The following DHODH variants were observed in gnomAD, a reference collection of about 807,000 sequenced individuals.
DHODH encodes dihydroorotate dehydrogenase (quinone), mitochondrial.
Under a neutral mutation model 39.7 loss-of-function variants are expected in DHODH, and 30 were observed. That is an observed-to-expected ratio of 0.76 (90% confidence interval 0.57 to 1.02). The LOEUF (loss-of-function observed/expected upper bound fraction) is 1.02. Among genes scored for constraint, DHODH ranks in the 50% least tolerant of loss-of-function variants. The pLI, the probability that DHODH is intolerant of heterozygous loss-of-function variation, is 0.00. For missense variants in DHODH, 531 were observed against 520.8 expected, an observed-to-expected ratio of 1.02 and a Z score of -0.19; for synonymous variants, 222 against 213.8, an observed-to-expected ratio of 1.04 and a Z score of -0.34.
chr16:72,020,333 A>ATATATATGTG (rs2041192222), intron 4 of DHODH: 1 of 91,878 alleles, frequency 1.1e-5, no homozygotes, highest in African/African-American at 4.6e-5. Flanking sequence ...ATATGTGTAT[A>ATATATATGTG]TATATATATA....
intron 1 of DHODH, among the ~76,000 whole-genome samples, chr16:72,011,683 T>G (rs1380144176): frequency 1.3e-5 from 2 of 152,196 alleles, no homozygotes; most frequent in African/African-American, 4.8e-5. Flanking sequence ...AATGGGGCAG[T>G]TCATGTCAGA....
chr16:72,017,906 G>A (rs2041160795), intron 4 of DHODH, among the ~76,000 whole-genome samples: 2 of 151,132 alleles, frequency 1.3e-5, no homozygotes, highest in Admixed American at 1.3e-4. Context: ...CGAGTAGCTG[G>A]GACTTCAGGC....
intron 1 of DHODH, 174 bp downstream of exon 1, chr16:72,008,959 C>A: frequency 6.7e-7 from 1 of 1,502,964 alleles, no homozygotes. Context: ...TGCATTTGCA[C>A]GTGGACTCGG....
rs1283680543 is a variant in DHODH at position 72,027,041 on chromosome 16, G to C, written c.*2842G>C. The C allele has an allele frequency of 6.7e-6, 1 of 149,626 alleles. No individual in the cohort carries two copies. The allele number at this position is 149,626 out of a possible 1,614,324, so 9.3% of individuals were successfully genotyped here. ...AGATGGAGTCCTGCTCTGTCACCCC[G>C]GCTGGAGTGCAGTGGTGCGATCTCA... On this transcript the variant is annotated 3_prime_UTR_variant, in exon 9 of 9. Coordinates refer to ENST00000219240, the MANE Select transcript of DHODH (RefSeq NM_001361.5).
intron 1 of DHODH, chr16:72,009,175 CTG>C (rs1364032247): frequency 5.5e-6 from 6 of 1,091,048 alleles, no homozygotes; most frequent in African/African-American, 4.9e-5. Flanking sequence ...GCGGGGGTCT[CTG>C]TGAAAAGTTC....
intron 4 of DHODH, among the ~76,000 whole-genome samples, chr16:72,018,633 G>A (rs549720209): frequency 2.0e-5 from 3 of 152,214 alleles, no homozygotes; most frequent in African/African-American, 7.2e-5. Context: ...GGAGTGAAGC[G>A]GAGCCTGCAG....
In DHODH at chr16:72,014,414, G is replaced by A. The variant is rs2041116751; in HGVS notation, c.235-59G>A. 6.6e-6 allele frequency: 10 copies of A among 1,526,216 alleles called. No homozygotes were observed. The South Asian group carries it at 1.1e-4, about 17-fold the overall frequency. 94.5% of individuals were successfully genotyped at this position (1,526,216 alleles called of 1,614,324 possible). ...CTGATGTAGCTGTGCCAGGAACCAT[G>A]CTTTGAGAAATACCGGGATAGCCTT... On this transcript the variant is annotated intron_variant, in intron 2 of 8. Coordinates refer to ENST00000219240, the MANE Select transcript of DHODH (RefSeq NM_001361.5).
rs1168214848 is a variant in DHODH, at chr16:72,027,086, T to C, written c.*2887T>C. 1.3e-5 allele frequency: 2 copies of C among 151,526 alleles called. No homozygotes were observed. The highest frequency in any genetic ancestry group is 2.9e-5 in the Non-Finnish European group (2 of 68,020). The allele number at this position is 151,526 out of a possible 1,614,324, so 9.4% of individuals were successfully genotyped here. A position where few individuals can be genotyped will look rare whatever the true frequency, so the allele number is the denominator to read the frequency against. On this transcript the variant is annotated 3_prime_UTR_variant, in exon 9 of 9. Coordinates refer to ENST00000219240, the MANE Select transcript of DHODH (RefSeq NM_001361.5). ...ATCTCAGCTCACTGCAAGCTCCGCC[T>C]CCCGGGTTCACACTATTCTCCTGCC...
chr16:72,012,574 C>T (rs2041096383), intron 2 of DHODH, among the ~76,000 whole-genome samples: 1 of 152,208 alleles, frequency 6.6e-6, no homozygotes, highest in African/African-American at 2.4e-5. Context: ...GAACTCAAGT[C>T]ACACAGCTAG....
chr16:72,022,300 C>T, intron 5 of DHODH, 62 bp from the exon 6 acceptor site: 1 of 1,246,180 alleles, frequency 8.0e-7, no homozygotes, highest in Non-Finnish European at 1.1e-6. Flanking sequence ...CAGCGTAGGT[C>T]ACAGCTGCAC....
chr16:72,021,536 G>A lies in DHODH; in HGVS notation c.705+225G>A, dbSNP rs1048727648. Among the ~76,000 whole-genome samples the A allele has an allele frequency of 2.7e-4, 41 of 152,130 alleles. 1 individual carries two copies. The highest frequency in any genetic ancestry group is 2.4e-3 in the Admixed American group (37 of 15,270). On this transcript the variant is annotated intron_variant, in intron 5 of 8. Coordinates refer to ENST00000219240, the MANE Select transcript of DHODH (RefSeq NM_001361.5). ...ATCTGTCCCTGCTGCTATAAATCAC[G>A]GGGTCTGTAAGAGCAGACACCACGT...
At chr16:72,015,096 C>G (rs936537584) in intron 3 of DHODH, among the ~76,000 whole-genome samples, 21 of 152,114 alleles carry the variant, frequency 1.4e-4, no homozygotes, top group Non-Finnish European at 2.8e-4. Flanking sequence ...ACACAGTAAA[C>G]AGAAATGAGT....
At chr16:72,010,383 A>G (rs1376898286) in intron 1 of DHODH, among the ~76,000 whole-genome samples, 1 of 152,138 alleles carries the variant, frequency 6.6e-6, no homozygotes, top group Non-Finnish European at 1.5e-5. Flanking sequence ...GCTTTAAGTC[A>G]TTTCCTTAAG....
At chr16:72,011,972 T>C in intron 1 of DHODH, 78 bp from the exon 2 acceptor site, 1 of 1,176,824 alleles carries the variant, frequency 8.5e-7, no homozygotes, top group Non-Finnish European at 1.3e-6. Context: ...ATGCCCTCTG[T>C]GTACCTGGGT....
intron 3 of DHODH, 198 bp from the exon 4 acceptor site, chr16:72,016,826 T>C: frequency 1.7e-6 from 1 of 586,170 alleles, no homozygotes; most frequent in Admixed American, 2.4e-5. Context: ...GGCTGAGCAT[T>C]TGCAAATTTT....
At chr16:72,020,775 C>T (rs138080928) in intron 4 of DHODH, among the ~76,000 whole-genome samples, 10 of 152,322 alleles carry the variant, frequency 6.6e-5, no homozygotes, top group African/African-American at 1.7e-4. Flanking sequence ...GATGTGCCTA[C>T]TGAGTTCTCT....
intron 4 of DHODH, among the ~76,000 whole-genome samples, chr16:72,019,417 C>T (rs1322757545): frequency 6.6e-6 from 1 of 152,190 alleles, no homozygotes; most frequent in Admixed American, 6.6e-5. Flanking sequence ...ATTTTGTGAG[C>T]TACTTGGTGT....
chr16:72,018,391 T>A (rs181702397), intron 4 of DHODH, among the ~76,000 whole-genome samples: 1 of 152,142 alleles, frequency 6.6e-6, no homozygotes, highest in Non-Finnish European at 1.5e-5. Flanking sequence ...ATTTGGGGAA[T>A]AGGAAATTAT....
At chr16:72,022,270 T>C in intron 5 of DHODH, 92 bp from the exon 6 acceptor site, 4 of 907,876 alleles carry the variant, frequency 4.4e-6, no homozygotes, top group Non-Finnish European at 7.0e-6. Flanking sequence ...TGATCGCTAT[T>C]GTGGAAACCC....
Sources: gnomAD v4.1 joint callset for allele counts (sites outside exome capture counted in the v4.1 genomes callset) on GRCh38, gnomAD v4.1.1 for gene constraint, MANE v1.5 for transcripts, NCBI Gene and HGNC (gene_info 2026-07-23, HGNC 2026-07-21) for gene names.